The following PLD1 variants were observed in gnomAD, a reference collection of about 807,000 sequenced individuals.
The protein encoded by PLD1 is phospholipase D1.
A neutral mutation model predicts 137.1 loss-of-function variants in PLD1; 112 were observed. The ratio of observed to expected loss-of-function variants is 0.82; its 90% CI spans 0.70 to 0.96. The LOEUF is 0.96. Among genes scored for constraint, PLD1 ranks in the 40% least tolerant of loss-of-function variants. The pLI is 0.00. For missense variants in PLD1, 1,321 were observed against 1,342.0 expected (o/e 0.98, Z 0.24); for synonymous variants, 431 against 454.7 (o/e 0.95, Z 0.66).
At chr3:171,756,315 GTTATTT>G (rs1721027023) in intron 1 of PLD1, among the ~76,000 whole-genome samples, 1 of 152,158 alleles carries the variant, frequency 6.6e-6, no homozygotes, top group Non-Finnish European at 1.5e-5. Flanking sequence ...CTTTTACTTG[GTTATTT>G]TTAATTACCC....
chr3:171,722,066 C>T (rs1718167027), intron 8 of PLD1, among the ~76,000 whole-genome samples: 1 of 152,064 alleles, frequency 6.6e-6, no homozygotes, highest in African/African-American at 2.4e-5. Context: ...ATATTATATA[C>T]AGATATAAAA....
intron 1 of PLD1, among the ~76,000 whole-genome samples, chr3:171,804,442 C>T (rs571938326): frequency 6.6e-6 from 1 of 152,314 alleles, no homozygotes; most frequent in East Asian, 1.9e-4. Context: ...AAATGGATTA[C>T]ACCTTCTCCC....
intron 21 of PLD1, chr3:171,653,945 C>T (rs909653169): frequency 3.8e-6 from 1 of 262,184 alleles, no homozygotes; most frequent in Admixed American, 5.3e-5. Context: ...TCCAGGTCTC[C>T]AGACATCTGG....
At chr3:171,643,261 C>T (rs886913352) in intron 22 of PLD1, 1 of 174,700 alleles carries the variant, frequency 5.7e-6, no homozygotes, top group Non-Finnish European at 1.2e-5. Context: ...ACATTGCTCT[C>T]AGAGGTGAAA....
intron 1 of PLD1, among the ~76,000 whole-genome samples, chr3:171,750,091 G>A (rs1720546127): frequency 1.3e-5 from 2 of 152,208 alleles, no homozygotes; most frequent in Admixed American, 1.3e-4. Flanking sequence ...GGAAAGATGT[G>A]CTCCATTGTG....
chr3:171,807,333 C>T (rs773767169), intron 1 of PLD1, among the ~76,000 whole-genome samples: 1 of 152,016 alleles, frequency 6.6e-6, no homozygotes, highest in African/African-American at 2.4e-5. Context: ...TCTAAAGCTA[C>T]GAGAAGGAAC....
At chr3:171,626,546 AT>A (rs1463743990) in intron 23 of PLD1, among the ~76,000 whole-genome samples, 2 of 152,184 alleles carry the variant, frequency 1.3e-5, no homozygotes, top group Non-Finnish European at 2.9e-5. Context: ...AAGGCACATA[AT>A]TGTCAGATTC....
At chr3:171,655,792 T>C (rs1376460087) in intron 21 of PLD1, among the ~76,000 whole-genome samples, 1 of 152,174 alleles carries the variant, frequency 6.6e-6, no homozygotes, top group Non-Finnish European at 1.5e-5. Context: ...GAGGGGAACA[T>C]AAAATATGTT....
rs192519197 is a variant in PLD1 at position 171,712,256 on chromosome 3, G to A, written c.911+1637C>T. The stretch of plus-strand genomic sequence containing the variant: ...GGGAGGAGAGACGTGGTGGAGCTGA[G>A]AGGAGTGAAGCATCCCCATCGCGTG... On this transcript the variant is annotated intron_variant, in intron 9 of 26. Coordinates refer to ENST00000351298, the MANE Select transcript of PLD1 (RefSeq NM_002662.5). Among the ~76,000 whole-genome samples the A allele has an allele frequency of 5.9e-3, 901 of 152,314 alleles. 7 individuals carry two copies. Among genetic ancestry groups the A allele is most frequent in the Non-Finnish European group, 8.4e-3 (574 of 68,034 alleles).
rs76667536 is a variant in PLD1 at position 171,686,304 on chromosome 3, C to G, written c.1867+381G>C. Among the ~76,000 whole-genome samples, 1,044 of 152,288 alleles carry G rather than the reference C, an allele frequency of 6.9e-3. 13 individuals carry two copies. Among genetic ancestry groups the G allele is most frequent in the African/African-American group, 0.02 (821 of 41,546 alleles). ...ACCTTTGCTCAACTCACCTCCCTCA[C>G]TTGCAATGACTTCCTATCACCTACC... On this transcript the variant is annotated intron_variant, in intron 16 of 26. Transcript: ENST00000351298.
intron 1 of PLD1, among the ~76,000 whole-genome samples, chr3:171,780,684 A>C (rs1431514889): frequency 6.6e-6 from 1 of 152,220 alleles, no homozygotes; most frequent in Non-Finnish European, 1.5e-5. Flanking sequence ...GAAGATTGAG[A>C]ACTGACCACT....
chr3:171,661,991 C>A, intron 20 of PLD1, 69 bp downstream of exon 20: 2 of 837,698 alleles, frequency 2.4e-6, no homozygotes, highest in Non-Finnish European at 4.0e-6. Flanking sequence ...AGTTTGGGGA[C>A]CCTGAAATCT....
intron 1 of PLD1, among the ~76,000 whole-genome samples, chr3:171,759,411 T>C (rs1721247849): frequency 6.6e-6 from 1 of 152,254 alleles, no homozygotes; most frequent in African/African-American, 2.4e-5. Flanking sequence ...TCAAGAAAGA[T>C]AATTTTACAC....
chr3:171,661,574 T>C (rs79721626), intron 20 of PLD1, among the ~76,000 whole-genome samples: 1 of 152,112 alleles, frequency 6.6e-6, no homozygotes, highest in Admixed American at 6.6e-5. Flanking sequence ...AAGAAGGTGG[T>C]ACCTGCTCTT....
chr3:171,788,498 C>T (rs987694061), intron 1 of PLD1: 4 of 152,154 alleles, frequency 2.6e-5, no homozygotes. Flanking sequence ...AAGCAGTTTG[C>T]CTCTGGTTTT....
In PLD1 at chr3:171,620,742, C is replaced by CTCTCTATA. The variant is rs1473647659; in HGVS notation, c.2594-223_2594-222insTATAGAGA. 9.7e-3 allele frequency among the ~76,000 whole-genome samples: 917 copies of CTCTCTATA among 94,680 alleles called. 6 individuals carry two copies. Among genetic ancestry groups the CTCTCTATA allele is most frequent in the South Asian group, 0.017 (42 of 2,516 alleles). 62.1% of individuals were successfully genotyped at this position (94,680 alleles called of 152,430 possible). A position where few individuals can be genotyped will look rare whatever the true frequency, so the allele number is the denominator to read the frequency against. On this transcript the variant is annotated intron_variant, in intron 23 of 26. Transcript: ENST00000351298. ...TTTCTCTCTCTCTCTCTCTCTCTCTCTATATATATATATATATATATATAT... is the reference window on the plus strand; with the variant it reads ...TTTCTCTCTCTCTCTCTCTCTCTCTCTCTCTATATATATATATATATATATATATATAT...
intron 18 of PLD1, among the ~76,000 whole-genome samples, chr3:171,675,269 A>G (rs1171140985): frequency 1.3e-5 from 2 of 152,200 alleles, no homozygotes; most frequent in Non-Finnish European, 2.9e-5. Context: ...ATATCTTGTC[A>G]CAGCAATATA....
chr3:171,804,398 C>T (rs1723763938), intron 1 of PLD1, among the ~76,000 whole-genome samples: 1 of 152,196 alleles, frequency 6.6e-6, no homozygotes, highest in Non-Finnish European at 1.5e-5. Context: ...ATTATAAAGA[C>T]TTATTTTCTG....
intron 8 of PLD1, among the ~76,000 whole-genome samples, chr3:171,715,193 G>C (rs1278997384): frequency 1.3e-5 from 2 of 152,208 alleles, no homozygotes; most frequent in Non-Finnish European, 2.9e-5. Context: ...CGTTTTCCCA[G>C]CACTGTTTAC....
Sources: allele counts gnomAD v4.1 joint callset (sites outside exome capture counted in the v4.1 genomes callset), GRCh38; gene constraint gnomAD v4.1.1; transcripts MANE v1.5; gene names NCBI Gene and HGNC (gene_info 2026-07-23, HGNC 2026-07-21).